Variants in CMTM4 observed in about 807,000 individuals in gnomAD.
CMTM4 encodes the protein CKLF like MARVEL transmembrane domain containing 4, also known as CKLF-like MARVEL transmembrane domain-containing protein 4.
CMTM4 carries 8 observed loss-of-function variants against 19.0 expected under a neutral mutation model. That is an observed-to-expected ratio of 0.42 (90% CI 0.25 to 0.76). The LOEUF (loss-of-function observed/expected upper bound fraction) is 0.76. Ranked by LOEUF, CMTM4 falls within the 30% of genes least tolerant of loss-of-function variation. The probability of loss-of-function intolerance (pLI) is 0.27; values close to 1 mark genes in which losing one functional copy is unlikely to be tolerated. For missense variants in CMTM4, 228 were observed against 290.2 expected, an observed-to-expected ratio of 0.79 and a Z score of 1.56; for synonymous variants, 106 against 121.1, an observed-to-expected ratio of 0.88 and a Z score of 0.82.
rs1254024681 is a variant in CMTM4 at position 66,615,195 on chromosome 16, T to C, written c.*6863A>G. On this transcript the variant is annotated 3_prime_UTR_variant, in exon 4 of 4. Transcript: ENST00000394106. This position sits in a 1 kb window ranked among gnomAD's most constrained non-coding sequence, Gnocchi z 4.9. ...GAGTAAAATGTGATAGTTGTTAACA[T>C]TGCCCCCCAAAAGTGCCACCAGGTG... The C allele has an allele frequency of 1.3e-5, 2 of 152,226 alleles. No individual in the cohort carries two copies. The highest frequency in any genetic ancestry group is 1.9e-4 in the East Asian group (1 of 5,202). 9.4% of individuals were successfully genotyped at this position (152,226 alleles called of 1,614,324 possible). A position where few individuals can be genotyped will look rare whatever the true frequency, so the allele number is the denominator to read the frequency against.
At chr16:66,653,411 G>A (rs2016346587) in intron 1 of CMTM4, among the ~76,000 whole-genome samples, 1 of 152,150 alleles carries the variant, frequency 6.6e-6, no homozygotes, top group Admixed American at 6.5e-5. Flanking sequence ...AGAGAGAGAG[G>A]TCTTGGAACC....
At chr16:66,653,333 A>G (rs148239533) in intron 1 of CMTM4, among the ~76,000 whole-genome samples, 1 of 152,280 alleles carries the variant, frequency 6.6e-6, no homozygotes, top group Non-Finnish European at 1.5e-5. Flanking sequence ...ATGGAAGTCC[A>G]TTGGGAAAAC....
intron 1 of CMTM4, among the ~76,000 whole-genome samples, chr16:66,654,423 G>T (rs996190568): frequency 6.6e-6 from 1 of 152,034 alleles, no homozygotes; most frequent in Non-Finnish European, 1.5e-5. Context: ...GCCTTCTCAT[G>T]AAACACATGC....
At position 66,623,502 on chromosome 16, in the gene CMTM4, C is replaced by T; in HGVS notation, c.364G>A (p.Asp122Asn). 6.3e-7 allele frequency: 1 copy of T among 1,597,664 alleles called. No individual in the cohort carries two copies. Among genetic ancestry groups the T allele is most frequent in the Non-Finnish European group, 8.5e-7 (1 of 1,170,186 alleles). Residue 122 changes from aspartate (D) to asparagine (N), a missense_variant and splice_region_variant, in exon 3 of 4, where the codon GAT (aspartate) becomes AAT (asparagine). By Grantham distance (23) the Asp-to-Asn change is conservative (BLOSUM62 1). Around this residue, in one of 3 missense-constraint regions of CMTM4, gnomAD observed 200 missense variants for 226.6 expected, o/e 0.88. Transcript: ENST00000394106. ...RIPQINWNLT[D>N]LVNTGLSAFL... ...GCGCTGAGTCCAGTGTTGACCAAATCCTAAAGGGAGAGACAAAATAAACCA... is the reference window on the plus strand; with the variant it reads ...GCGCTGAGTCCAGTGTTGACCAAATTCTAAAGGGAGAGACAAAATAAACCA...
downstream of CMTM4, chr16:66,609,781 CT>C: frequency 6.2e-7 from 1 of 1,610,854 alleles, no homozygotes; most frequent in Non-Finnish European, 8.5e-7. The surrounding 1 kb of genome is among the most constrained non-coding windows in gnomAD (Gnocchi z 4.4). Context: ...GACACTCGGG[CT>C]GTTTGTCCAA....
In CMTM4 at chr16:66,617,372, A is replaced by C. The variant is rs2015546100; in HGVS notation, c.*4686T>G. On this transcript the variant is annotated 3_prime_UTR_variant, in exon 4 of 4. Coordinates refer to ENST00000394106, the MANE Select transcript of CMTM4 (RefSeq NM_181521.3). ...GAGTAGGAAAAACTAGAAAGGAAAA[A>C]AAAATCCCAAAGGTTGAAAAACTGT... 1 of 1,611,538 alleles carries C rather than the reference A, an allele frequency of 6.2e-7. No homozygotes were observed. Among genetic ancestry groups the C allele is most frequent in the East Asian group, 2.2e-5 (1 of 44,868 alleles).
At position 66,622,903 on chromosome 16, in the gene CMTM4, C is replaced by T. The variant is rs111985291; in HGVS notation, c.462+501G>A. 3.3e-4 allele frequency among the ~76,000 whole-genome samples: 51 copies of T among 152,346 alleles called. No homozygotes were observed. Among genetic ancestry groups the T allele is most frequent in the African/African-American group, 1.2e-3 (48 of 41,584 alleles). The stretch of plus-strand genomic sequence containing the variant: ...CCCATTACAAAAAGGATAACTGTTC[C>T]TCATAAACTGAGAACAATACAGAAA... On this transcript the variant is annotated intron_variant, in intron 3 of 3. Coordinates refer to ENST00000394106, the MANE Select transcript of CMTM4 (RefSeq NM_181521.3). This position sits in a 1 kb window ranked among gnomAD's most constrained non-coding sequence, Gnocchi z 4.0.
At chr16:66,606,418 C>T in the CMTM4 span, among the ~76,000 whole-genome samples, 1 of 152,140 alleles carries the variant, frequency 6.6e-6, no homozygotes, top group African/African-American at 2.4e-5. Flanking sequence ...CAGCAGCCTC[C>T]CAGCCCGTCT....
intron 1 of CMTM4, among the ~76,000 whole-genome samples, chr16:66,676,212 T>C (rs926343840): frequency 2.0e-5 from 3 of 152,176 alleles, no homozygotes; most frequent in African/African-American, 7.2e-5. Context: ...ACTTGGGCAA[T>C]TGCCTGAGTT....
intron 1 of CMTM4, among the ~76,000 whole-genome samples, chr16:66,688,813 TCTTA>T (rs1349477437): frequency 6.6e-6 from 1 of 152,240 alleles, no homozygotes; most frequent in Non-Finnish European, 1.5e-5. Flanking sequence ...ATCTTTGATT[TCTTA>T]CTTCAGTGTT....
chr16:66,676,638 A>G (rs1485410051), intron 1 of CMTM4, among the ~76,000 whole-genome samples: 1 of 152,202 alleles, frequency 6.6e-6, no homozygotes, highest in African/African-American at 2.4e-5. Context: ...ACCCTTCGTT[A>G]TTGATTTATA....
the CMTM4 span, chr16:66,605,102 G>C: frequency 2.7e-5 from 21 of 772,920 alleles, no homozygotes; most frequent in Non-Finnish European, 3.8e-5. The surrounding 1 kb of genome is among the most constrained non-coding windows in gnomAD (Gnocchi z 4.6). Context: ...TCGGGCGCCT[G>C]GCGAAGTTGG....
intron 1 of CMTM4, among the ~76,000 whole-genome samples, chr16:66,665,262 T>TAAA (rs71145929): frequency 6.7e-5 from 4 of 59,708 alleles, no homozygotes; most frequent in African/African-American, 1.8e-4. Flanking sequence ...CCCTGTTTCT[T>TAAA]AAAAAAAAAA....
chr16:66,617,837 C>T lies in CMTM4; in HGVS notation c.*4221G>A, dbSNP rs1366538608. 8 of 993,412 alleles carry T rather than the reference C, an allele frequency of 8.1e-6. No individual in the cohort carries two copies. The highest frequency in any genetic ancestry group is 5.8e-5 in the Admixed American group (1 of 17,242). The allele number at this position is 993,412 out of a possible 1,614,324, so 61.5% of individuals were successfully genotyped here. On this transcript the variant is annotated 3_prime_UTR_variant, in exon 4 of 4. Transcript: ENST00000394106. ...AGATGCCAGGAGCTCACCCACAGGA[C>T]GGGAAAGACCTGTCCCCAGCATCCC...
Position 66,621,294 on chromosome 16 carries a change from T to C in CMTM4, c.*764A>G, listed in dbSNP as rs1404216200. The C allele has an allele frequency of 2.0e-6, 2 of 985,332 alleles. No homozygotes were observed. The highest frequency in any genetic ancestry group is 2.4e-6 in the Non-Finnish European group (2 of 829,912). 61.0% of individuals were successfully genotyped at this position (985,332 alleles called of 1,614,324 possible). A position where few individuals can be genotyped will look rare whatever the true frequency, so the allele number is the denominator to read the frequency against. ...CTTTCATGGCTTTTACCTGAGAAGGTAAAATGACTGAAAATCTGCAATTCA... is the reference window on the plus strand; with the variant it reads ...CTTTCATGGCTTTTACCTGAGAAGGCAAAATGACTGAAAATCTGCAATTCA... On this transcript the variant is annotated 3_prime_UTR_variant, in exon 4 of 4. Transcript: ENST00000394106.
intron 2 of CMTM4, among the ~76,000 whole-genome samples, chr16:66,627,803 GAC>G (rs1387601758): frequency 1.3e-5 from 2 of 152,314 alleles, no homozygotes; most frequent in South Asian, 2.1e-4. Context: ...AAAGAAGTAA[GAC>G]ACAGAGACAA....
intron 1 of CMTM4, among the ~76,000 whole-genome samples, chr16:66,695,868 C>T (rs901311076): frequency 6.6e-6 from 1 of 152,206 alleles, no homozygotes; most frequent in Admixed American, 6.5e-5. Context: ...TAAGCGCCTA[C>T]CATATACGCC....
intron 2 of CMTM4, among the ~76,000 whole-genome samples, chr16:66,624,976 G>A (rs949863762): frequency 1.3e-5 from 2 of 152,134 alleles, no homozygotes; most frequent in Non-Finnish European, 2.9e-5. Context: ...ACTCAGCTCT[G>A]GGTAAGATGC....
Position 66,620,912 on chromosome 16 carries a change from A to G in CMTM4, c.*1146T>C, listed in dbSNP as rs2144778548. 2.0e-6 allele frequency: 2 copies of G among 985,836 alleles called. No individual in the cohort carries two copies. The highest frequency in any genetic ancestry group is 4.7e-5 in the South Asian group (1 of 21,294). 61.1% of individuals were successfully genotyped at this position (985,836 alleles called of 1,614,324 possible). A position where few individuals can be genotyped will look rare whatever the true frequency, so the allele number is the denominator to read the frequency against. ...ATAATCTTCACTTTATCAAGAATCA[A>G]TCAGAAACCTTAAGTAGCTAGGATT... On this transcript the variant is annotated 3_prime_UTR_variant, in exon 4 of 4. Coordinates refer to ENST00000394106, the MANE Select transcript of CMTM4 (RefSeq NM_181521.3).
Sources: gnomAD v4.1 joint callset for allele counts (sites outside exome capture counted in the v4.1 genomes callset) on GRCh38, gnomAD v4.1.1 for gene constraint, gnomAD v4.1.1 regional missense constraint, Gnocchi (gnomAD v3.1) non-coding constraint, MANE v1.5 for transcripts, NCBI Gene and HGNC (gene_info 2026-07-23, HGNC 2026-07-21) for gene names.